Variants in CPS1 observed in about 807,000 individuals in gnomAD.
CPS1 encodes the protein carbamoyl-phosphate synthase [ammonia], mitochondrial.
In CPS1, 109 loss-of-function variants were observed where a neutral mutation model predicts 174.6. The ratio of observed to expected loss-of-function variants is 0.62; its 90% CI spans 0.53 to 0.73. The LOEUF is 0.73. Among genes scored for constraint, CPS1 ranks in the 30% least tolerant of loss-of-function variants. The probability of loss-of-function intolerance (pLI) is 0.00; values close to 1 mark genes in which losing one functional copy is unlikely to be tolerated. For missense variants in CPS1, 1,689 were observed against 1,821.9 expected (o/e 0.93, Z 1.33); for synonymous variants, 637 against 632.0 (o/e 1.01, Z -0.12).
chr2:210,508,166 A>G (rs1217070618), intron 1 of CPS1, among the ~76,000 whole-genome samples: 4 of 149,632 alleles, frequency 2.7e-5, no homozygotes. Context: ...AACAGAAATT[A>G]TAACAAACTG....
intron 1 of CPS1, among the ~76,000 whole-genome samples, chr2:210,514,395 TCA>T (rs919894211): frequency 1.5e-4 from 23 of 152,100 alleles, no homozygotes; most frequent in African/African-American, 5.3e-4. Flanking sequence ...TAGAGATCTC[TCA>T]CCTCCTTAGG....
At chr2:210,562,678 G>T (rs1697141478) in intron 1 of CPS1, among the ~76,000 whole-genome samples, 1 of 152,052 alleles carries the variant, frequency 6.6e-6, no homozygotes, top group African/African-American at 2.4e-5. Flanking sequence ...CATCAGGTAA[G>T]CCAGAAAGCA....
chr2:210,586,609 T>C (rs1698117796), intron 6 of CPS1, among the ~76,000 whole-genome samples: 1 of 152,072 alleles, frequency 6.6e-6, no homozygotes, highest in South Asian at 2.1e-4. Context: ...CACAAATCCA[T>C]ATATGCAAGT....
At position 210,600,566 on chromosome 2, in the gene CPS1, T is replaced by C. The variant is rs1698684090; in HGVS notation, c.1561T>C (p.Phe521Leu). 6.2e-7 allele frequency: 1 copy of C among 1,612,078 alleles called. No homozygotes were observed. The highest frequency in any genetic ancestry group is 1.7e-4 in the Middle Eastern group (1 of 6,044). The change falls in exon 15 of 38, where the codon TTC (phenylalanine) becomes CTC (leucine). Residue 521 changes from phenylalanine (F) to leucine (L), a missense_variant. Phe to Leu is a conservative substitution (Grantham distance 22). Transcript: ENST00000233072. ...QTALNCGVEL[F>L]KRGVLKEYGV... The stretch of plus-strand genomic sequence containing the variant: ...TGGTTCTTCTTTAGGAGTGGAACTA[T>C]TCAAGAGAGGTGTGCTCAAGGAATA...
chr2:210,620,068 G>T (rs1051593165), intron 21 of CPS1, among the ~76,000 whole-genome samples: 3 of 151,836 alleles, frequency 2.0e-5, no homozygotes, highest in African/African-American at 7.3e-5. Flanking sequence ...ATGTATCCCA[G>T]AACTTAAAGT....
At position 210,640,064 on chromosome 2, in the gene CPS1, A is replaced by G. The variant is rs745778375; in HGVS notation, c.2959+5A>G. 1 of 1,573,282 alleles carries G rather than the reference A, an allele frequency of 6.4e-7. No individual in the cohort carries two copies. The highest frequency in any genetic ancestry group is 8.7e-7 in the Non-Finnish European group (1 of 1,143,838). ...GCTGTGGTCCATATCACATTGGTAA[A>G]ATAATAAATTATGTGTATATAGGAC... is the stretch of plus-strand genomic sequence containing the variant. On this transcript the variant is annotated splice_donor_5th_base_variant and intron_variant, in intron 24 of 37. Transcript: ENST00000233072.
At chr2:210,669,239 A>G (rs1332532281) in intron 34 of CPS1, among the ~76,000 whole-genome samples, 1 of 152,132 alleles carries the variant, frequency 6.6e-6, no homozygotes, top group African/African-American at 2.4e-5. Context: ...ACTATTCAGA[A>G]CTACTTTTAT....
At chr2:210,561,170 G>GA (rs1697088383) in intron 1 of CPS1, among the ~76,000 whole-genome samples, 1 of 151,994 alleles carries the variant, frequency 6.6e-6, no homozygotes, top group Non-Finnish European at 1.5e-5. Flanking sequence ...TAAAACTCTT[G>GA]AAAAAACTAT....
chr2:210,576,204 C>A, intron 2 of CPS1, 142 bp from the exon 3 acceptor site: 1 of 961,956 alleles, frequency 1.0e-6, no homozygotes, highest in Non-Finnish European at 1.7e-6. Flanking sequence ...CATAACATTT[C>A]CCCAGGTACG....
intron 1 of CPS1, among the ~76,000 whole-genome samples, chr2:210,517,529 A>G (rs186191540): frequency 6.6e-6 from 1 of 152,104 alleles, no homozygotes; most frequent in African/African-American, 2.4e-5. Context: ...CCTTGAATCG[A>G]GGGAAATCAA....
At chr2:210,605,009 G>T in intron 16 of CPS1, 93 bp from the exon 17 acceptor site, 1 of 1,410,798 alleles carries the variant, frequency 7.1e-7, no homozygotes, top group Non-Finnish European at 9.9e-7. Context: ...GTTCAGTGCT[G>T]ACCAGGATTT....
chr2:210,651,212 A>T (rs1700548715), intron 28 of CPS1, among the ~76,000 whole-genome samples: 1 of 151,940 alleles, frequency 6.6e-6, no homozygotes, highest in South Asian at 2.1e-4. Flanking sequence ...TGGAATTTGG[A>T]GGGAGGAAGA....
Position 210,556,764 on chromosome 2 carries a change from G to C in CPS1, c.31G>C (p.Val11Leu). 1 of 1,612,978 alleles carries C rather than the reference G, an allele frequency of 6.2e-7. No homozygotes were observed. ...GAGGATTTTGACAGCTTTCAAAGTG[G>C]TGAGGACACTGAAGACTGGTTTTGG... is the stretch of plus-strand genomic sequence containing the variant. MTRILTAFKV[V>L]RTLKTGFGFT... Residue 11 changes from valine to leucine, a missense_variant, in exon 1 of 38, where the codon GTG becomes CTG. Coordinates refer to ENST00000233072, the MANE Select transcript of CPS1 (RefSeq NM_001875.5).
chr2:210,665,421 G>C (rs1242716170), intron 33 of CPS1, among the ~76,000 whole-genome samples: 2 of 150,662 alleles, frequency 1.3e-5, no homozygotes, highest in South Asian at 2.1e-4. Context: ...GTGTGCTGCA[G>C]CCATTAACTC....
At chr2:210,676,238 C>T (rs1054633181) in intron 36 of CPS1, among the ~76,000 whole-genome samples, 1 of 152,154 alleles carries the variant, frequency 6.6e-6, no homozygotes, top group Non-Finnish European at 1.5e-5. Flanking sequence ...CATACAGGAA[C>T]CTATGTTGAG....
upstream of CPS1, among the ~76,000 whole-genome samples, chr2:210,555,098 G>A (rs1472511065): frequency 6.6e-6 from 1 of 151,868 alleles, no homozygotes; most frequent in African/African-American, 2.4e-5. Flanking sequence ...ACATTTTAAG[G>A]CATACTAAGT....
chr2:210,653,167 C>T (rs1050934310), intron 28 of CPS1, among the ~76,000 whole-genome samples: 8 of 152,060 alleles, frequency 5.3e-5, no homozygotes, highest in African/African-American at 1.4e-4. Flanking sequence ...ATAGAATACA[C>T]GTGGGGAAGA....
At chr2:210,512,066 T>C (rs1270470249) in intron 1 of CPS1, among the ~76,000 whole-genome samples, 1 of 152,076 alleles carries the variant, frequency 6.6e-6, no homozygotes, top group Non-Finnish European at 1.5e-5. Context: ...ACTTACCATT[T>C]TTCCCTAGCC....
At chr2:210,579,495 T>C (rs968572325) in intron 4 of CPS1, among the ~76,000 whole-genome samples, 2 of 152,198 alleles carry the variant, frequency 1.3e-5, no homozygotes, top group African/African-American at 2.4e-5. Context: ...CTCATTTTTT[T>C]ACTCTGAGAA....
Sources: gnomAD v4.1 joint callset for allele counts (sites outside exome capture counted in the v4.1 genomes callset) on GRCh38, gnomAD v4.1.1 for gene constraint, MANE v1.5 for transcripts, NCBI Gene and HGNC (gene_info 2026-07-23, HGNC 2026-07-21) for gene names.